The following USO1 variants were observed in gnomAD, a reference collection of about 807,000 sequenced individuals.
The protein encoded by USO1 is USO1 vesicle transport factor, also known as general vesicular transport factor p115.
In USO1, 57 loss-of-function variants were observed where a neutral mutation model predicts 124.5. That is an observed-to-expected ratio of 0.46 (90% CI 0.37 to 0.57). The LOEUF (loss-of-function observed/expected upper bound fraction) is 0.57, where lower values mean the gene tolerates loss of function less well. Among genes scored for constraint, USO1 ranks in the 20% least tolerant of loss-of-function variants. USO1 has a pLI of 0.00. For synonymous variants in USO1, 369 were observed against 362.8 expected (o/e 1.02, Z -0.19); for missense variants, 900 against 1,040.6 (o/e 0.86, Z 1.86).
chr4:75,755,343 T>C, intron 3 of USO1: 1 of 439,212 alleles, frequency 2.3e-6, no homozygotes, highest in South Asian at 1.7e-5. Context: ...AGTATTATTT[T>C]CCTCCAGTCT....
At chr4:75,755,779 G>A (rs991179129) in intron 3 of USO1, among the ~76,000 whole-genome samples, 1 of 152,074 alleles carries the variant, frequency 6.6e-6, no homozygotes, top group Non-Finnish European at 1.5e-5. Flanking sequence ...CAAAACCTGT[G>A]AATTTTACCT....
chr4:75,789,816 AG>A (rs1722476174), intron 10 of USO1, among the ~76,000 whole-genome samples: 1 of 152,114 alleles, frequency 6.6e-6, no homozygotes, highest in African/African-American at 2.4e-5. Flanking sequence ...CATAGAGAAT[AG>A]TATAGTTTTT....
intron 1 of USO1, among the ~76,000 whole-genome samples, chr4:75,740,636 TA>T (rs1304438863): frequency 1.3e-5 from 2 of 152,200 alleles, no homozygotes. Flanking sequence ...GGTAACTTTA[TA>T]AAACATAGCT....
In USO1 at chr4:75,799,105, G is replaced by C. The variant is rs554004940; in HGVS notation, c.1453-517G>C. Among the ~76,000 whole-genome samples, 4 of 152,038 alleles carry C rather than the reference G, an allele frequency of 2.6e-5. No individual in the cohort carries two copies. The South Asian group carries it at 8.3e-4, about 32-fold the overall frequency. ...GAATTTGTAGTATGGTTTATTTATT[G>C]TTAGAGAATATATTCTCTCATGGAA... On this transcript the variant is annotated intron_variant, in intron 13 of 23. Coordinates refer to ENST00000514213, the MANE Select transcript of USO1 (RefSeq NM_003715.4).
chr4:75,810,660 A>C, intron 22 of USO1, 121 bp downstream of exon 22: 79 of 1,234,244 alleles, frequency 6.4e-5, no homozygotes, highest in Non-Finnish European at 8.1e-5. Context: ...ATTTTATCTC[A>C]CAACATTTTC....
intron 17 of USO1, among the ~76,000 whole-genome samples, chr4:75,802,585 A>T (rs1442368142): frequency 6.6e-6 from 1 of 152,192 alleles, no homozygotes; most frequent in Non-Finnish European, 1.5e-5. Flanking sequence ...GGAATTCTCC[A>T]AAATTCAGGA....
chr4:75,764,191 T>C (rs324722), intron 4 of USO1, among the ~76,000 whole-genome samples: 53,632 of 152,096 alleles, frequency 0.35, 11,644 homozygotes, highest in African/African-American at 0.62. Context: ...ATTAAAGATA[T>C]TAACTCTACT....
intron 22 of USO1, among the ~76,000 whole-genome samples, 177 bp from the exon 23 acceptor site, chr4:75,811,983 A>G (rs533099638): frequency 1.9e-4 from 29 of 152,326 alleles, no homozygotes; most frequent in Admixed American, 5.9e-4. Context: ...TTTGATGAAC[A>G]GTCTAATAAA....
chr4:75,811,139 T>A (rs935216250), intron 22 of USO1, among the ~76,000 whole-genome samples: 2 of 152,052 alleles, frequency 1.3e-5, no homozygotes, highest in Non-Finnish European at 2.9e-5. Context: ...AATATTTTTG[T>A]TTTCTTTCTT....
At chr4:75,807,708 A>G (rs1723036249) in intron 20 of USO1, among the ~76,000 whole-genome samples, 1 of 152,196 alleles carries the variant, frequency 6.6e-6, no homozygotes, top group Admixed American at 6.5e-5. Flanking sequence ...GAACTGTATT[A>G]AAATTAAAGG....
intron 12 of USO1, among the ~76,000 whole-genome samples, chr4:75,793,195 T>A (rs1722579513): frequency 1.4e-5 from 2 of 145,202 alleles, no homozygotes; most frequent in Non-Finnish European, 3.0e-5. Context: ...ATGTTTCTTT[T>A]CTCTCTCTCC....
chr4:75,795,217 C>A, intron 13 of USO1: 1 of 654,444 alleles, frequency 1.5e-6, no homozygotes, highest in South Asian at 1.7e-5. Flanking sequence ...CCATCCTGTC[C>A]CAAATTATTG....
intron 21 of USO1, 59 bp from the exon 22 acceptor site, chr4:75,810,373 G>A (rs886363186): frequency 4.7e-6 from 7 of 1,498,622 alleles, no homozygotes; most frequent in Middle Eastern, 3.5e-4. Flanking sequence ...TAACCCTTTG[G>A]GAGTTCATAT....
chr4:75,796,274 T>C (rs1722675023), intron 13 of USO1, among the ~76,000 whole-genome samples: 1 of 151,628 alleles, frequency 6.6e-6, no homozygotes, highest in East Asian at 1.9e-4. Flanking sequence ...TTTGAGTGTA[T>C]CTCTGTAACC....
chr4:75,777,130 A>T (rs536555103), intron 8 of USO1, among the ~76,000 whole-genome samples: 1 of 152,342 alleles, frequency 6.6e-6, no homozygotes, highest in Admixed American at 6.5e-5. Flanking sequence ...TCCATATTTA[A>T]CAGCTATATT....
At chr4:75,769,969 C>G (rs983466883) in intron 4 of USO1, among the ~76,000 whole-genome samples, 1 of 152,014 alleles carries the variant, frequency 6.6e-6, no homozygotes, top group Admixed American at 6.6e-5. Context: ...CCCAGTAACA[C>G]TAACAGTCAG....
intron 3 of USO1, among the ~76,000 whole-genome samples, chr4:75,756,329 GA>G (rs2149157972): frequency 1.3e-5 from 2 of 152,070 alleles, no homozygotes; most frequent in South Asian, 4.2e-4. Flanking sequence ...CAGGAAAAAA[GA>G]AGCAGATTAG....
chr4:75,758,732 T>G (rs2149159693), intron 4 of USO1, among the ~76,000 whole-genome samples: 1 of 152,204 alleles, frequency 6.6e-6, no homozygotes. Context: ...AAAAAAAATT[T>G]TTTAAACAAA....
intron 9 of USO1, among the ~76,000 whole-genome samples, chr4:75,784,958 G>A (rs920303926): frequency 1.1e-4 from 16 of 152,112 alleles, no homozygotes; most frequent in African/African-American, 2.9e-4. Flanking sequence ...TACACTTGTC[G>A]TGAAGACCGT....
Sources: allele counts gnomAD v4.1 joint callset (sites outside exome capture counted in the v4.1 genomes callset), GRCh38; gene constraint gnomAD v4.1.1; transcripts MANE v1.5; gene names NCBI Gene and HGNC (gene_info 2026-07-23, HGNC 2026-07-21).